Variants in CHRNB3 observed in about 807,000 individuals in gnomAD.
CHRNB3 encodes neuronal acetylcholine receptor subunit beta-3.
Under a neutral mutation model 40.6 loss-of-function variants are expected in CHRNB3, and 37 were observed. That is an observed-to-expected ratio of 0.91 (90% CI 0.70 to 1.20). CHRNB3 has a LOEUF of 1.20. Ranked by LOEUF, CHRNB3 falls within the 50% of genes most tolerant of loss-of-function variation. The pLI is 0.00. For missense variants in CHRNB3, 505 were observed against 551.2 expected, an observed-to-expected ratio of 0.92 and a Z score of 0.84; for synonymous variants, 207 against 207.1, an observed-to-expected ratio of 1.00 and a Z score of 0.00.
intron 5 of CHRNB3, 103 bp downstream of exon 5, chr8:42,732,652 C>A: frequency 8.7e-7 from 1 of 1,147,206 alleles, no homozygotes; most frequent in Non-Finnish European, 1.2e-6. Flanking sequence ...TTAAATGTGA[C>A]GTTATATAAG....
At chr8:42,731,638 C>T (rs200768953) in intron 4 of CHRNB3, 29 bp from the exon 5 acceptor site, 81 of 1,556,122 alleles carry the variant, frequency 5.2e-5, no homozygotes, top group Non-Finnish European at 6.8e-5. Context: ...GCTCCACCGA[C>T]TGCTAAGGTG....
intron 3 of CHRNB3, among the ~76,000 whole-genome samples, chr8:42,726,586 G>A (rs577351027): frequency 2.0e-5 from 3 of 150,274 alleles, no homozygotes; most frequent in South Asian, 2.1e-4. Flanking sequence ...TGCAACCTCC[G>A]CCCCCAAGTT....
chr8:42,703,435 A>AAAAAAAAAAAAATATATATATATAT, intron 1 of CHRNB3, among the ~76,000 whole-genome samples: 4 of 47,404 alleles, frequency 8.4e-5, no homozygotes, highest in South Asian at 1.8e-3. Context: ...AAAAAAAAAA[A>AAAAAAAAAAAAATATATATATATAT]ATATTTATAT....
rs76654847 is a variant in CHRNB3 at position 42,710,580 on chromosome 8, T to C, written c.249+146T>C. 3.5e-3 allele frequency: 2,339 copies of C among 660,824 alleles called. 44 individuals are homozygous for C. In the African/African-American group the frequency reaches 0.039, roughly 11 times the overall value. The allele number at this position is 660,824 out of a possible 1,614,324, so 40.9% of individuals were successfully genotyped here. Reference sequence around the variant, plus strand: ...GGAAGGGTCTATGGCTTTTATTTTCTGTTGTGAGTGTTGGGGAGCTGATCC... The same window carrying C: ...GGAAGGGTCTATGGCTTTTATTTTCCGTTGTGAGTGTTGGGGAGCTGATCC... On this transcript the variant is annotated intron_variant, in intron 3 of 5. Transcript: ENST00000289957.
chr8:42,726,258 G>A (rs1816307497), intron 3 of CHRNB3: 3 of 675,682 alleles, frequency 4.4e-6, no homozygotes, highest in South Asian at 1.7e-5. Flanking sequence ...CTACTACTCA[G>A]TAATTAAGGC....
At chr8:42,721,035 C>T (rs1216419393) in intron 3 of CHRNB3, among the ~76,000 whole-genome samples, 1 of 152,194 alleles carries the variant, frequency 6.6e-6, no homozygotes, top group African/African-American at 2.4e-5. Context: ...TAGCTGTGCT[C>T]ACTAAAGATG....
rs753423484 is a variant in CHRNB3, at chr8:42,736,565, TCGG to T, written c.1325_1327del (p.Ser442_Val443delinsPhe). On this transcript the variant is annotated inframe_deletion, in exon 6 of 6. Coordinates refer to ENST00000289957, the MANE Select transcript of CHRNB3 (RefSeq NM_000749.5). ...CTTTCTGATAGTGTCAGTAACAGGC[TCGG>T]TTCTGATTTTTACCCCTGCTTTGAA... The T allele has an allele frequency of 1.2e-6, 2 of 1,614,208 alleles. No homozygotes were observed. Among genetic ancestry groups the T allele is most frequent in the East Asian group, 4.5e-5 (2 of 44,884 alleles).
At position 42,736,897 on chromosome 8, in the gene CHRNB3, G is replaced by T; in HGVS notation, c.*279G>T. 1 of 368,628 alleles carries T rather than the reference G, an allele frequency of 2.7e-6. No homozygotes were observed. Among genetic ancestry groups the T allele is most frequent in the Non-Finnish European group, 4.9e-6 (1 of 205,672 alleles). 22.8% of individuals were successfully genotyped at this position (368,628 alleles called of 1,614,324 possible). On this transcript the variant is annotated 3_prime_UTR_variant, in exon 6 of 6. Coordinates refer to ENST00000289957, the MANE Select transcript of CHRNB3 (RefSeq NM_000749.5). ...TAGGTCCAGGCTTGAGCTCACATGT[G>T]GCCAGAGTGCACAAAAAGCTGTTGC...
At chr8:42,717,058 G>C (rs75962701) in intron 3 of CHRNB3, among the ~76,000 whole-genome samples, 1 of 151,926 alleles carries the variant, frequency 6.6e-6, no homozygotes, top group Non-Finnish European at 1.5e-5. Context: ...TAGACCCCTG[G>C]AGCTGATTTC....
rs2128909020 is a variant in CHRNB3 at position 42,733,991 on chromosome 8, C to T, written c.1242+1442C>T. ...TGATCTGTTGGGCCAGGCACGGTGG[C>T]TCATGCCTGTAATCCCAGCACTTTG... On this transcript the variant is annotated intron_variant, in intron 5 of 5. Transcript: ENST00000289957. 2.0e-5 allele frequency among the ~76,000 whole-genome samples: 3 copies of T among 150,804 alleles called. No homozygotes were observed. In the South Asian group the frequency reaches 6.3e-4, roughly 32 times the overall value.
At chr8:42,713,689 C>T (rs751899689) in intron 3 of CHRNB3, among the ~76,000 whole-genome samples, 1 of 152,136 alleles carries the variant, frequency 6.6e-6, no homozygotes, top group African/African-American at 2.4e-5. Context: ...CCCACTCTTC[C>T]GAGTCTCCAA....
At chr8:42,714,818 G>C (rs1255010219) in intron 3 of CHRNB3, 2 of 152,354 alleles carry the variant, frequency 1.3e-5, no homozygotes, top group African/African-American at 2.4e-5. Context: ...GACTTGCCCA[G>C]GGTTAAGCAC....
At chr8:42,721,671 C>T (rs62518205) in intron 3 of CHRNB3, 4,889 of 151,832 alleles carry the variant, frequency 0.032, 125 homozygotes, top group Middle Eastern at 0.11. Context: ...TGCAGTGAGC[C>T]GAGATCACAC....
chr8:42,703,435 A>AAAAAAAAAAAAAATAT, intron 1 of CHRNB3, among the ~76,000 whole-genome samples: 1 of 47,400 alleles, frequency 2.1e-5, no homozygotes, highest in Non-Finnish European at 4.6e-5. Flanking sequence ...AAAAAAAAAA[A>AAAAAAAAAAAAAATAT]ATATTTATAT....
At chr8:42,708,192 C>T (rs148491299) in intron 1 of CHRNB3, among the ~76,000 whole-genome samples, 1 of 152,092 alleles carries the variant, frequency 6.6e-6, no homozygotes, top group Non-Finnish European at 1.5e-5. Flanking sequence ...CTGGGCCGGG[C>T]GTGGTGGCTC....
At chr8:42,712,086 G>A (rs1329939248) in intron 3 of CHRNB3, among the ~76,000 whole-genome samples, 3 of 151,798 alleles carry the variant, frequency 2.0e-5, no homozygotes, top group African/African-American at 4.8e-5. Context: ...TCCGCCTCCC[G>A]GGTTCAAGCT....
intron 3 of CHRNB3, among the ~76,000 whole-genome samples, chr8:42,725,341 C>T (rs537375118): frequency 3.3e-4 from 50 of 152,036 alleles, no homozygotes; most frequent in Middle Eastern, 3.4e-3. Context: ...CTGCCCACCT[C>T]GGCCTCCCAA....
chr8:42,701,056 CG>C (rs1815785578), intron 1 of CHRNB3, among the ~76,000 whole-genome samples: 1 of 151,620 alleles, frequency 6.6e-6, no homozygotes, highest in African/African-American at 2.4e-5. Context: ...GGTGAAACCC[CG>C]TCTCTACTAA....
In CHRNB3 at chr8:42,725,694, C is replaced by G. The variant is rs1055640583; in HGVS notation, c.250-4900C>G. ...AGAACCACGAGATCTCCTGGAAATG[C>G]TTCTCCAGGTGCTCCTCAATCACTG... On this transcript the variant is annotated intron_variant, in intron 3 of 5. Coordinates refer to ENST00000289957, the MANE Select transcript of CHRNB3 (RefSeq NM_000749.5). 69 of 934,546 alleles carry G rather than the reference C, an allele frequency of 7.4e-5. No individual in the cohort carries two copies. In the Admixed American group the frequency reaches 1.2e-3, roughly 16 times the overall value. 57.9% of individuals were successfully genotyped at this position (934,546 alleles called of 1,614,324 possible). A position where few individuals can be genotyped will look rare whatever the true frequency, so the allele number is the denominator to read the frequency against.
Sources: allele counts gnomAD v4.1 joint callset (sites outside exome capture counted in the v4.1 genomes callset), GRCh38; gene constraint gnomAD v4.1.1; transcripts MANE v1.5; gene names NCBI Gene and HGNC (gene_info 2026-07-23, HGNC 2026-07-21).